The following ACSS3 variants were observed in gnomAD, a reference collection of about 807,000 sequenced individuals.
ACSS3 encodes the protein acyl-CoA synthetase short chain family member 3.
ACSS3 carries 64 observed loss-of-function variants against 84.2 expected under a neutral mutation model. The observed-to-expected ratio is 0.76, with a 90% CI of 0.62 to 0.94. The LOEUF (loss-of-function observed/expected upper bound fraction) is 0.94, where lower values mean the gene tolerates loss of function less well. ACSS3 is among the 40% of genes least tolerant of loss of function. The pLI, the probability that ACSS3 is intolerant of heterozygous loss-of-function variation, is 0.00. For missense variants in ACSS3, 815 were observed against 867.6 expected (o/e 0.94, Z 0.76); for synonymous variants, 317 against 310.1 (o/e 1.02, Z -0.23).
Position 81,139,203 on chromosome 12 carries a change from G to C in ACSS3, c.718G>C (p.Glu240Gln). The change falls in exon 4 of 16, where the codon GAA becomes CAA. Residue 240 changes from glutamate to glutamine, a missense_variant. Coordinates refer to ENST00000548058, the MANE Select transcript of ACSS3 (RefSeq NM_024560.4). ...GGTAGAGTACGTACCACTTGTAGAA[G>C]AAGCGCTAAAAATAGGACAACACAA... ...RRVEYVPLVE[E>Q]ALKIGQHKPD... The C allele has an allele frequency of 6.2e-7, 1 of 1,613,958 alleles. No homozygotes were observed. The highest frequency in any genetic ancestry group is 8.5e-7 in the Non-Finnish European group (1 of 1,179,910).
intron 1 of ACSS3, among the ~76,000 whole-genome samples, chr12:81,085,562 A>G (rs1308715148): frequency 6.6e-6 from 1 of 152,236 alleles, no homozygotes; most frequent in Non-Finnish European, 1.5e-5. Flanking sequence ...CTGGGTTAGT[A>G]TTAATAGCTC....
chr12:81,166,222 A>C (rs1555177353), intron 7 of ACSS3, among the ~76,000 whole-genome samples: 2 of 152,140 alleles, frequency 1.3e-5, no homozygotes, highest in Non-Finnish European at 2.9e-5. Context: ...ATTGAGAAGG[A>C]GGTTAGGGTG....
chr12:81,099,957 G>T lies in ACSS3; in HGVS notation c.312-9603G>T, dbSNP rs546164810. Among the ~76,000 whole-genome samples, 8 of 152,170 alleles carry T rather than the reference G, an allele frequency of 5.3e-5. No individual in the cohort carries two copies. In the East Asian group the frequency reaches 1.4e-3, roughly 26 times the overall value. ...AAAAACCCTTCAGATATCCACACAC[G>T]TTCACTGACTTAGCTCAATGTGTGA... is the stretch of plus-strand genomic sequence containing the variant. On this transcript the variant is annotated intron_variant, in intron 1 of 15. Transcript: ENST00000548058.
intron 1 of ACSS3, among the ~76,000 whole-genome samples, chr12:81,091,124 C>T (rs1881643275): frequency 6.6e-6 from 1 of 151,758 alleles, no homozygotes; most frequent in Admixed American, 6.6e-5. Flanking sequence ...CATGTGTAAC[C>T]TGTGGATATG....
At chr12:81,106,230 C>T (rs945940345) in intron 1 of ACSS3, among the ~76,000 whole-genome samples, 1 of 152,114 alleles carries the variant, frequency 6.6e-6, no homozygotes, top group Non-Finnish European at 1.5e-5. Context: ...AGCTCCAACT[C>T]CTGTCAGATC....
At chr12:81,169,812 T>C (rs1274626330) in intron 7 of ACSS3, among the ~76,000 whole-genome samples, 1 of 152,192 alleles carries the variant, frequency 6.6e-6, no homozygotes, top group African/African-American at 2.4e-5. Flanking sequence ...ATGCTATTTC[T>C]AGTTTTATCA....
At chr12:81,146,127 G>T (rs528472776) in intron 5 of ACSS3, among the ~76,000 whole-genome samples, 2 of 152,122 alleles carry the variant, frequency 1.3e-5, no homozygotes, top group East Asian at 1.9e-4. Flanking sequence ...TTATAACAAT[G>T]AATGTTCTCT....
At chr12:81,100,585 A>G (rs1055461489) in intron 1 of ACSS3, among the ~76,000 whole-genome samples, 1 of 152,214 alleles carries the variant, frequency 6.6e-6, no homozygotes, top group East Asian at 1.9e-4. Flanking sequence ...GCCGAAACTG[A>G]TAGATCTTAA....
chr12:81,202,586 T>G (rs1295527542), intron 9 of ACSS3, among the ~76,000 whole-genome samples: 1 of 152,196 alleles, frequency 6.6e-6, no homozygotes, highest in Non-Finnish European at 1.5e-5. Flanking sequence ...TTTCAAGTTT[T>G]CTACAGGGTC....
rs572285895 is a variant in ACSS3, at chr12:81,251,705, T to C, written c.1720-1602T>C. ...AAAAATACAAAAATTTAGCCAGCCA[T>C]GGTGGTGTGCACCTGTAGAACCAGC... is the stretch of plus-strand genomic sequence containing the variant. On this transcript the variant is annotated intron_variant, in intron 13 of 15. Transcript: ENST00000548058. 1.2e-3 allele frequency among the ~76,000 whole-genome samples: 148 copies of C among 125,288 alleles called. 1 individual carries two copies. The South Asian group carries it at 0.037, about 31-fold the overall frequency. The allele number at this position is 125,288 out of a possible 152,430, so 82.2% of individuals were successfully genotyped here.
intron 5 of ACSS3, among the ~76,000 whole-genome samples, chr12:81,150,432 T>C (rs1886553634): frequency 1.3e-5 from 2 of 152,192 alleles, no homozygotes; most frequent in Non-Finnish European, 2.9e-5. Flanking sequence ...AAAGATCTTC[T>C]CAATAGAACA....
chr12:81,253,180 C>T, intron 13 of ACSS3, 127 bp from the exon 14 acceptor site: 1 of 998,768 alleles, frequency 1.0e-6, no homozygotes, highest in Non-Finnish European at 1.5e-6. Context: ...GCTTGTCTTA[C>T]ATGCACTTTT....
At chr12:81,245,103 T>G (rs1348805024) in intron 13 of ACSS3, among the ~76,000 whole-genome samples, 1 of 152,214 alleles carries the variant, frequency 6.6e-6, no homozygotes, top group African/African-American at 2.4e-5. Context: ...AAATCTTAGT[T>G]GTTTCATGAA....
intron 1 of ACSS3, among the ~76,000 whole-genome samples, chr12:81,083,151 C>T (rs1881094127): frequency 6.6e-6 from 1 of 152,262 alleles, no homozygotes; most frequent in African/African-American, 2.4e-5. Context: ...GTTGCTGGGA[C>T]TTACTTTCAG....
At chr12:81,098,746 C>A (rs1882270738) in intron 1 of ACSS3, among the ~76,000 whole-genome samples, 1 of 152,248 alleles carries the variant, frequency 6.6e-6, no homozygotes, top group African/African-American at 2.4e-5. Flanking sequence ...GAACTCTAGT[C>A]TGTTGGCCTC....
At chr12:81,179,271 C>CAAAAAAAAAAAAAAAAAGAAA (rs2030728534) in intron 8 of ACSS3, among the ~76,000 whole-genome samples, 2 of 66,782 alleles carry the variant, frequency 3.0e-5, no homozygotes, top group Non-Finnish European at 5.4e-5. Flanking sequence ...AAGTAATTGC[C>CAAAAAAAAAAAAAAAAAGAAA]AAAAAAAAAA....
At chr12:81,141,371 C>T (rs1886085777) in intron 4 of ACSS3, among the ~76,000 whole-genome samples, 1 of 152,058 alleles carries the variant, frequency 6.6e-6, no homozygotes, top group South Asian at 2.1e-4. Flanking sequence ...GTCTTATTAA[C>T]CAGGATTGCA....
chr12:81,220,331 G>A (rs1207041746), intron 11 of ACSS3, among the ~76,000 whole-genome samples: 2 of 151,836 alleles, frequency 1.3e-5, no homozygotes, highest in Admixed American at 6.6e-5. Context: ...TACAGGTTAT[G>A]TATAGATGAT....
chr12:81,205,416 G>C (rs572120530), intron 9 of ACSS3, among the ~76,000 whole-genome samples: 37 of 152,136 alleles, frequency 2.4e-4, no homozygotes, highest in African/African-American at 8.7e-4. Flanking sequence ...GGGATATCTG[G>C]AGAAGATTCA....
Sources: allele counts gnomAD v4.1 joint callset (sites outside exome capture counted in the v4.1 genomes callset), GRCh38; gene constraint gnomAD v4.1.1; transcripts MANE v1.5; gene names NCBI Gene and HGNC (gene_info 2026-07-23, HGNC 2026-07-21).